Variants in NR6A1 observed in about 807,000 individuals in gnomAD.
The protein encoded by NR6A1 is retinoic acid receptor-related testis-associated receptor.
A neutral mutation model predicts 59.1 loss-of-function variants in NR6A1; 7 were observed. The observed-to-expected ratio is 0.12, with a 90% CI of 0.07 to 0.22. The LOEUF (loss-of-function observed/expected upper bound fraction) is 0.22. NR6A1 is among the 10% of genes least tolerant of loss of function. NR6A1 has a pLI of 1.00. For synonymous variants in NR6A1, 243 were observed against 236.1 expected, an observed-to-expected ratio of 1.03 and a Z score of -0.27; for missense variants, 468 against 611.6, an observed-to-expected ratio of 0.77 and a Z score of 2.48.
In NR6A1 at chr9:124,553,300, G is replaced by C. The variant is rs144513176; in HGVS notation, c.385+1028C>G. Among the ~76,000 whole-genome samples the C allele has an allele frequency of 8.5e-4, 130 of 152,196 alleles. 2 individuals carry two copies. Among genetic ancestry groups the C allele is most frequent in the African/African-American group, 2.5e-3 (102 of 41,530 alleles). Reference sequence around the variant, plus strand: ...TCTCTTCTGTATCTAAGCTCTCTCTGTGGGTGATTTCACCTATGGACTAGA... The same window carrying C: ...TCTCTTCTGTATCTAAGCTCTCTCTCTGGGTGATTTCACCTATGGACTAGA... On this transcript the variant is annotated intron_variant, in intron 3 of 9. Coordinates refer to ENST00000487099, the MANE Select transcript of NR6A1 (RefSeq NM_033334.4).
intron 2 of NR6A1, among the ~76,000 whole-genome samples, chr9:124,592,108 TTC>T (rs1835142229): frequency 6.6e-6 from 1 of 152,216 alleles, no homozygotes; most frequent in Admixed American, 6.5e-5. Flanking sequence ...TATCCTTTTG[TTC>T]TCCCACCTCA....
At chr9:124,716,001 G>T (rs558921741) in intron 2 of NR6A1, among the ~76,000 whole-genome samples, 10 of 152,064 alleles carry the variant, frequency 6.6e-5, no homozygotes, top group Admixed American at 2.0e-4. Context: ...CCAGGAGTTC[G>T]AGACCAGCCT....
chr9:124,612,513 G>A (rs1247365178), intron 2 of NR6A1, among the ~76,000 whole-genome samples: 1 of 152,156 alleles, frequency 6.6e-6, no homozygotes, highest in Non-Finnish European at 1.5e-5. Flanking sequence ...AAATAGCACT[G>A]CACCTAAAGG....
At chr9:124,667,765 T>C (rs1837668430) in intron 2 of NR6A1, among the ~76,000 whole-genome samples, 1 of 152,234 alleles carries the variant, frequency 6.6e-6, no homozygotes, top group Non-Finnish European at 1.5e-5. Context: ...AGGCTGACTG[T>C]AGTGATATAC....
At chr9:124,579,593 T>TA (rs199894018) in intron 2 of NR6A1, among the ~76,000 whole-genome samples, 103 of 148,688 alleles carry the variant, frequency 6.9e-4, no homozygotes, top group Middle Eastern at 3.4e-3. Context: ...TGGCTAAAAT[T>TA]AAAAAAAAAA....
chr9:124,660,368 C>T (rs563407383), intron 2 of NR6A1, among the ~76,000 whole-genome samples: 1 of 152,290 alleles, frequency 6.6e-6, no homozygotes, highest in East Asian at 1.9e-4. Flanking sequence ...GGTCAGCCTA[C>T]GAGTTAATCC....
chr9:124,623,327 T>C (rs1246865732), intron 2 of NR6A1, among the ~76,000 whole-genome samples: 3 of 152,002 alleles, frequency 2.0e-5, no homozygotes, highest in African/African-American at 4.8e-5. Context: ...ACTGAGAGGA[T>C]AGTGTATGTC....
At position 124,557,422 on chromosome 9, in the gene NR6A1, C is replaced by T. The variant is rs529385273; in HGVS notation, c.143-2852G>A. ...TTCTGGGATGACAGGAGTGGGCCAC[C>T]GCGCCCGGCCAATCCTCCTTCTTTT... On this transcript the variant is annotated intron_variant, in intron 2 of 9. Transcript: ENST00000487099. 1.4e-4 allele frequency among the ~76,000 whole-genome samples: 21 copies of T among 152,138 alleles called. No homozygotes were observed. In the South Asian group the frequency reaches 2.1e-3, roughly 15 times the overall value.
chr9:124,613,344 T>A (rs1835807400), intron 2 of NR6A1, among the ~76,000 whole-genome samples: 1 of 151,596 alleles, frequency 6.6e-6, no homozygotes, highest in Non-Finnish European at 1.5e-5. Context: ...AAAATAAAAT[T>A]AAAATTAAAA....
intron 2 of NR6A1, among the ~76,000 whole-genome samples, chr9:124,727,251 A>T (rs1839749188): frequency 6.6e-6 from 1 of 152,194 alleles, no homozygotes; most frequent in Admixed American, 6.5e-5. Flanking sequence ...GTGGGAAAAA[A>T]CCCAAAAAGT....
At chr9:124,536,775 T>G (rs917742737) in intron 6 of NR6A1, among the ~76,000 whole-genome samples, 2 of 152,184 alleles carry the variant, frequency 1.3e-5, no homozygotes, top group African/African-American at 4.8e-5. Context: ...CTGTTCAAGT[T>G]CTGGCAATGG....
chr9:124,718,121 T>TACTCAGC (rs1442149934), intron 2 of NR6A1, among the ~76,000 whole-genome samples: 1 of 152,248 alleles, frequency 6.6e-6, no homozygotes, highest in East Asian at 1.9e-4. Flanking sequence ...TTGCCTATGC[T>TACTCAGC]ACTCAGCAAG....
intron 2 of NR6A1, among the ~76,000 whole-genome samples, chr9:124,574,556 TTAATA>T (rs1834535609): frequency 6.6e-6 from 1 of 152,244 alleles, no homozygotes; most frequent in Non-Finnish European, 1.5e-5. Context: ...CATCCTGGTC[TTAATA>T]TAATCTGTGA....
intron 2 of NR6A1, among the ~76,000 whole-genome samples, chr9:124,634,087 G>C (rs996227734): frequency 1.3e-5 from 2 of 152,162 alleles, no homozygotes; most frequent in African/African-American, 4.8e-5. Flanking sequence ...TATTTGTATA[G>C]TCAGCCTGTC....
chr9:124,548,066 A>C (rs1833653770), intron 3 of NR6A1, among the ~76,000 whole-genome samples: 1 of 150,032 alleles, frequency 6.7e-6, no homozygotes, highest in African/African-American at 2.4e-5. Flanking sequence ...GAAGGTGCGT[A>C]CATGCAGGCA....
chr9:124,693,058 A>AT (rs1288020503), intron 2 of NR6A1, among the ~76,000 whole-genome samples: 1 of 152,190 alleles, frequency 6.6e-6, no homozygotes, highest in Non-Finnish European at 1.5e-5. Context: ...AGCATGAGCT[A>AT]TTGCCTTACT....
intron 2 of NR6A1, among the ~76,000 whole-genome samples, chr9:124,647,166 C>T (rs1269707642): frequency 1.3e-5 from 2 of 152,166 alleles, no homozygotes; most frequent in Non-Finnish European, 2.9e-5. Flanking sequence ...ATCCTCCTAC[C>T]TTGGCCTCCC....
At chr9:124,630,436 T>C (rs1478346186) in intron 2 of NR6A1, among the ~76,000 whole-genome samples, 1 of 150,796 alleles carries the variant, frequency 6.6e-6, no homozygotes. Context: ...GGGGTTTCAT[T>C]ATATTGGTCA....
At chr9:124,625,593 GTTC>G (rs1334643355) in intron 2 of NR6A1, among the ~76,000 whole-genome samples, 1 of 152,086 alleles carries the variant, frequency 6.6e-6, no homozygotes, top group East Asian at 1.9e-4. Flanking sequence ...TAGGTTTTCT[GTTC>G]TTCATTAATT....
Sources: gnomAD v4.1 joint callset for allele counts (sites outside exome capture counted in the v4.1 genomes callset) on GRCh38, gnomAD v4.1.1 for gene constraint, MANE v1.5 for transcripts, NCBI Gene and HGNC (gene_info 2026-07-23, HGNC 2026-07-21) for gene names.